The following DAPK2 variants were observed in gnomAD, a reference collection of about 807,000 sequenced individuals.
The protein encoded by DAPK2 is death associated protein kinase 2.
A neutral mutation model predicts 44.1 loss-of-function variants in DAPK2; 35 were observed. The ratio of observed to expected loss-of-function variants is 0.79; its 90% CI spans 0.61 to 1.05. The LOEUF is 1.05. Among genes scored for constraint, DAPK2 ranks in the 50% least tolerant of loss-of-function variants. The pLI is 0.00. For synonymous variants in DAPK2, 174 were observed against 182.6 expected, an observed-to-expected ratio of 0.95 and a Z score of 0.38; for missense variants, 453 against 483.2, an observed-to-expected ratio of 0.94 and a Z score of 0.59.
Position 64,028,013 on chromosome 15 carries a change from G to T in DAPK2, c.92+12157C>A, listed in dbSNP as rs138803963. Among the ~76,000 whole-genome samples, 6 of 145,532 alleles carry T rather than the reference G, an allele frequency of 4.1e-5. No homozygotes were observed. The East Asian group carries it at 1.2e-3, about 29-fold the overall frequency. On this transcript the variant is annotated intron_variant, in intron 1 of 10. Transcript: ENST00000261891. ...GCCTGGATAGAATATTATGAAGTTA[G>T]CAGAAGTACATAAACTGTATCTATC... is the stretch of plus-strand genomic sequence containing the variant.
intron 2 of DAPK2, among the ~76,000 whole-genome samples, chr15:63,982,827 G>C (rs2078560214): frequency 2.6e-5 from 4 of 152,210 alleles, no homozygotes; most frequent in Admixed American, 2.6e-4. Context: ...GGGATAATAA[G>C]AGTGTCTGTG....
chr15:63,961,478 T>TA (rs1327898293), intron 3 of DAPK2, among the ~76,000 whole-genome samples: 1 of 152,258 alleles, frequency 6.6e-6, no homozygotes, highest in Admixed American at 6.5e-5. Context: ...CAGTGGCTGG[T>TA]ACCAGTTGTT....
At chr15:63,952,494 G>C (rs1283923821) in intron 3 of DAPK2, among the ~76,000 whole-genome samples, 1 of 152,138 alleles carries the variant, frequency 6.6e-6, no homozygotes, top group Non-Finnish European at 1.5e-5. Context: ...CCGGGGCTAG[G>C]TTTTGGAGAG....
chr15:64,000,183 TACTACACAC>T (rs767498087), intron 1 of DAPK2, among the ~76,000 whole-genome samples: 75 of 115,854 alleles, frequency 6.5e-4, no homozygotes, highest in African/African-American at 1.2e-3. Flanking sequence ...CTACTACTAC[TACTACACAC>T]ACACACACAC....
intron 1 of DAPK2, among the ~76,000 whole-genome samples, chr15:63,989,684 TAC>T (rs367881226): frequency 9.2e-5 from 14 of 152,196 alleles, no homozygotes; most frequent in African/African-American, 1.9e-4. Context: ...CATACATACA[TAC>T]ACACACACAT....
At chr15:63,961,998 G>A (rs774723699) in intron 3 of DAPK2, among the ~76,000 whole-genome samples, 5 of 152,078 alleles carry the variant, frequency 3.3e-5, no homozygotes, top group Non-Finnish European at 7.4e-5. Flanking sequence ...CGTAGATTTG[G>A]TCTTTTCACG....
chr15:63,982,557 C>T (rs2078551768), intron 2 of DAPK2, among the ~76,000 whole-genome samples: 1 of 152,198 alleles, frequency 6.6e-6, no homozygotes, highest in Non-Finnish European at 1.5e-5. Flanking sequence ...CAACCCAACT[C>T]AAACTCTATT....
chr15:63,984,238 A>C (rs1351312407), intron 1 of DAPK2, among the ~76,000 whole-genome samples: 1 of 152,200 alleles, frequency 6.6e-6, no homozygotes, highest in East Asian at 1.9e-4. Context: ...GAGTTGTACA[A>C]TTAGGAAACT....
intron 4 of DAPK2, among the ~76,000 whole-genome samples, chr15:63,937,952 A>G (rs1008329966): frequency 6.6e-6 from 1 of 152,178 alleles, no homozygotes; most frequent in Non-Finnish European, 1.5e-5. Flanking sequence ...CATTCTGAGT[A>G]TGGCTCCTTA....
intron 3 of DAPK2, among the ~76,000 whole-genome samples, chr15:63,958,778 C>G (rs987545331): frequency 1.3e-5 from 2 of 152,180 alleles, no homozygotes; most frequent in African/African-American, 4.8e-5. Context: ...AGTTTGAAGT[C>G]AGGTAGCATG....
rs563225062 is a variant in DAPK2 at position 63,941,900 on chromosome 15, C to T, written c.454-2539G>A. On this transcript the variant is annotated intron_variant, in intron 3 of 10. Transcript: ENST00000261891. ...CCATGGACCCAAGTGTCCTGGCACCCCATGCAGTCAGCTGCAACCTCCCAA... is the reference window on the plus strand; with the variant it reads ...CCATGGACCCAAGTGTCCTGGCACCTCATGCAGTCAGCTGCAACCTCCCAA... Among the ~76,000 whole-genome samples the T allele has an allele frequency of 8.4e-4, 128 of 152,284 alleles. 1 individual carries two copies. The South Asian group carries it at 0.025, about 30-fold the overall frequency.
At chr15:63,995,218 G>A (rs1009213208) in intron 1 of DAPK2, among the ~76,000 whole-genome samples, 5 of 151,918 alleles carry the variant, frequency 3.3e-5, no homozygotes, top group African/African-American at 1.2e-4. Flanking sequence ...GTCTCACTCT[G>A]TAACCCAGGC....
intron 4 of DAPK2, among the ~76,000 whole-genome samples, chr15:63,933,431 C>T (rs1431311090): frequency 6.6e-6 from 1 of 151,726 alleles, no homozygotes; most frequent in South Asian, 2.1e-4. Flanking sequence ...TTAGTAGAGA[C>T]GGGGTTTCAC....
chr15:63,985,375 G>T (rs574125060), intron 1 of DAPK2, among the ~76,000 whole-genome samples: 1 of 152,346 alleles, frequency 6.6e-6, no homozygotes, highest in East Asian at 1.9e-4. Context: ...TAACACATAT[G>T]GTCTCTTGGA....
intron 3 of DAPK2, among the ~76,000 whole-genome samples, chr15:63,954,177 T>C (rs566846079): frequency 6.6e-6 from 1 of 152,222 alleles, no homozygotes; most frequent in Non-Finnish European, 1.5e-5. Flanking sequence ...CATTTGTCTA[T>C]GTTTCTTGGT....
chr15:63,930,982 T>C (rs1348028951), intron 4 of DAPK2, among the ~76,000 whole-genome samples: 1 of 152,092 alleles, frequency 6.6e-6, no homozygotes, highest in Non-Finnish European at 1.5e-5. Context: ...GAGGATTGCT[T>C]GAGCCTGGGA....
intron 1 of DAPK2, among the ~76,000 whole-genome samples, chr15:64,033,203 T>G (rs1296656648): frequency 6.9e-6 from 1 of 145,616 alleles, no homozygotes; most frequent in Non-Finnish European, 1.5e-5. Flanking sequence ...GAGGCTGCAA[T>G]GAGCCATGAC....
chr15:63,933,264 A>G (rs1045565692), intron 4 of DAPK2, among the ~76,000 whole-genome samples: 1 of 152,120 alleles, frequency 6.6e-6, no homozygotes, highest in Non-Finnish European at 1.5e-5. Flanking sequence ...TTTTTTTGAG[A>G]CAGAGTTTCA....
chr15:64,019,412 T>C (rs2079621365), intron 1 of DAPK2, among the ~76,000 whole-genome samples: 1 of 152,258 alleles, frequency 6.6e-6, no homozygotes, highest in Admixed American at 6.5e-5. Flanking sequence ...TTTTCTCTTT[T>C]GATAACTACG....
Sources: gnomAD v4.1 joint callset for allele counts (sites outside exome capture counted in the v4.1 genomes callset) on GRCh38, gnomAD v4.1.1 for gene constraint, MANE v1.5 for transcripts, NCBI Gene and HGNC (gene_info 2026-07-23, HGNC 2026-07-21) for gene names.